PFKFB3: variants seen among roughly 807,000 people sequenced by gnomAD.
PFKFB3 encodes the protein 6-phosphofructo-2-kinase/fructose-2,6-biphosphatase 3, also known as 6-phosphofructo-2-kinase/fructose-2,6-bisphosphatase 3.
In PFKFB3, 33 loss-of-function variants were observed where a neutral mutation model predicts 68.0. The observed-to-expected ratio is 0.49, with a 90% CI of 0.37 to 0.65. The LOEUF is 0.65. PFKFB3 is among the 30% of genes least tolerant of loss of function. The pLI is 0.00. For missense variants in PFKFB3, 586 were observed against 712.2 expected (o/e 0.82, Z 2.02); for synonymous variants, 315 against 288.2 (o/e 1.09, Z -0.94).
intron 1 of PFKFB3, among the ~76,000 whole-genome samples, chr10:6,177,469 T>TTTCTTTC (rs1350744737): frequency 1.4e-5 from 2 of 145,012 alleles, no homozygotes; most frequent in African/African-American, 5.0e-5. Context: ...TCTTTCTTTC[T>TTTCTTTC]TTCTTTCTTT....
intron 14 of PFKFB3, among the ~76,000 whole-genome samples, chr10:6,241,336 C>A (rs75188078): frequency 1.3e-5 from 2 of 152,184 alleles, no homozygotes. Flanking sequence ...GGGACACGGC[C>A]ACACAGGACT....
rs148383114 is a variant in PFKFB3, at chr10:6,164,237, A to C, written c.16+19224A>C. On this transcript the variant is annotated intron_variant, in intron 1 of 14. Transcript: ENST00000379789. ...CGCGGTGGAGGCGCCGCCAGTGAGC[A>C]CCCGGGGACCGCTCCTAGCCCCCAG... 5.2e-3 allele frequency among the ~76,000 whole-genome samples: 473 copies of C among 91,412 alleles called. 6 individuals are homozygous for C. The highest frequency in any genetic ancestry group is 0.014 in the African/African-American group (457 of 31,980). The allele number at this position is 91,412 out of a possible 152,430, so 60.0% of individuals were successfully genotyped here.
the PFKFB3 span, among the ~76,000 whole-genome samples, chr10:6,280,099 C>T: frequency 2.0e-5 from 3 of 152,184 alleles, no homozygotes; most frequent in Non-Finnish European, 2.9e-5. Context: ...CTCAGCTGCC[C>T]CTTCTACCTA....
the PFKFB3 span, among the ~76,000 whole-genome samples, chr10:6,295,325 C>T: frequency 6.6e-6 from 1 of 151,948 alleles, no homozygotes; most frequent in Admixed American, 6.6e-5. Flanking sequence ...GGGTTCAAGC[C>T]ATTCTCCTGC....
chr10:6,165,119 C>G (rs982796439), intron 1 of PFKFB3, among the ~76,000 whole-genome samples: 1 of 152,174 alleles, frequency 6.6e-6, no homozygotes, highest in African/African-American at 2.4e-5. Flanking sequence ...GGGGGGAAAC[C>G]TTGGACAATA....
At chr10:6,197,943 C>G (rs1181603528), upstream of PFKFB3, 1 of 152,188 alleles carries the variant, frequency 6.6e-6, no homozygotes, top group East Asian at 1.9e-4. Context: ...TTTTACCAAT[C>G]AAGGTTATGC....
the PFKFB3 span, among the ~76,000 whole-genome samples, chr10:6,278,896 C>A: frequency 6.6e-6 from 1 of 152,188 alleles, no homozygotes; most frequent in Non-Finnish European, 1.5e-5. Context: ...CTAGGCCTGA[C>A]TTTGTTACTT....
At chr10:6,269,682 TAACTCTTCCCAGGGGTAGACATTA>T in the PFKFB3 span, among the ~76,000 whole-genome samples, 1 of 152,076 alleles carries the variant, frequency 6.6e-6, no homozygotes, top group Non-Finnish European at 1.5e-5. Context: ...CAGTAAGACT[TAACTCTTCCCAGGGGTAGACATTA>T]AATGGCTCAT....
At chr10:6,322,814 T>C in the PFKFB3 span, among the ~76,000 whole-genome samples, 1 of 152,382 alleles carries the variant, frequency 6.6e-6, no homozygotes, top group Admixed American at 6.5e-5. Flanking sequence ...CCTCCTCTAA[T>C]GTGTGTCTGA....
chr10:6,284,904 A>G, the PFKFB3 span, among the ~76,000 whole-genome samples: 1 of 152,242 alleles, frequency 6.6e-6, no homozygotes, highest in African/African-American at 2.4e-5. Flanking sequence ...ATGTTATAGC[A>G]TAAATCAGGA....
chr10:6,304,105 G>A, the PFKFB3 span, among the ~76,000 whole-genome samples: 3 of 152,144 alleles, frequency 2.0e-5, no homozygotes, highest in South Asian at 2.1e-4. Context: ...CCCCAGAGAC[G>A]CACCTTGTTT....
At chr10:6,194,736 G>T (rs1342494874) in intron 1 of PFKFB3, among the ~76,000 whole-genome samples, 3 of 152,190 alleles carry the variant, frequency 2.0e-5, no homozygotes, top group Non-Finnish European at 4.4e-5. Flanking sequence ...GCTTTCAAGG[G>T]CCTTGGAGTG....
the PFKFB3 span, among the ~76,000 whole-genome samples, chr10:6,290,258 A>G: frequency 6.6e-6 from 1 of 151,808 alleles, no homozygotes; most frequent in Non-Finnish European, 1.5e-5. Flanking sequence ...AGGAGTGGTG[A>G]GAGAGGGCAT....
At chr10:6,267,736 C>T in the PFKFB3 span, among the ~76,000 whole-genome samples, 1 of 151,870 alleles carries the variant, frequency 6.6e-6, no homozygotes, top group South Asian at 2.1e-4. Flanking sequence ...GGGCGGATCA[C>T]CTGAAGTCAG....
At chr10:6,206,136 A>G (rs9424133) in intron 1 of PFKFB3, among the ~76,000 whole-genome samples, 221 of 138,548 alleles carry the variant, frequency 1.6e-3, no homozygotes, top group South Asian at 5.0e-3. Flanking sequence ...ACTTGAGATT[A>G]GGGAGTGGTG....
At chr10:6,309,943 A>G in the PFKFB3 span, among the ~76,000 whole-genome samples, 1 of 152,256 alleles carries the variant, frequency 6.6e-6, no homozygotes, top group South Asian at 2.1e-4. Context: ...ATTACTTTAT[A>G]TGACTCTATT....
chr10:6,280,097 C>T, the PFKFB3 span, among the ~76,000 whole-genome samples: 1 of 152,176 alleles, frequency 6.6e-6, no homozygotes, highest in Non-Finnish European at 1.5e-5. Context: ...TGCTCAGCTG[C>T]CCCTTCTACC....
chr10:6,262,019 CA>C, the PFKFB3 span, among the ~76,000 whole-genome samples: 461 of 144,716 alleles, frequency 3.2e-3, 3 homozygotes, highest in African/African-American at 0.011. Flanking sequence ...AAACAAAAAA[CA>C]AAAAAAAAAA....
At chr10:6,171,647 C>T (rs1842315651) in intron 1 of PFKFB3, among the ~76,000 whole-genome samples, 4 of 152,184 alleles carry the variant, frequency 2.6e-5, no homozygotes, top group Admixed American at 2.6e-4. Context: ...CCTGCCTTGG[C>T]CTCCCAAAGT....
Sources: gnomAD v4.1 joint callset for allele counts (sites outside exome capture counted in the v4.1 genomes callset) on GRCh38, gnomAD v4.1.1 for gene constraint, MANE v1.5 for transcripts, NCBI Gene and HGNC (gene_info 2026-07-23, HGNC 2026-07-21) for gene names.